The following NEBL variants were observed in gnomAD, a reference collection of about 807,000 sequenced individuals.
NEBL encodes the protein nebulette, also known as LIM and SH3 protein 2.
A neutral mutation model predicts 140.2 loss-of-function variants in NEBL; 122 were observed. The observed-to-expected ratio is 0.87, with a 90% CI of 0.75 to 1.01. The LOEUF is 1.01. NEBL is among the 50% of genes least tolerant of loss of function. The pLI, the probability that NEBL is intolerant of heterozygous loss-of-function variation, is 0.00. For missense variants in NEBL, 1,365 were observed against 1,231.3 expected (o/e 1.11, Z -1.62); for synonymous variants, 436 against 398.9 (o/e 1.09, Z -1.11).
intron 2 of NEBL, 54 bp from the exon 3 acceptor site, chr10:20,890,003 G>T: frequency 1.7e-6 from 2 of 1,173,684 alleles, no homozygotes; most frequent in Middle Eastern, 2.1e-4. Context: ...AATTCTAATG[G>T]CCTTTTTTGA....
At chr10:20,811,557 T>C (rs1838142044) in intron 24 of NEBL, among the ~76,000 whole-genome samples, 1 of 152,254 alleles carries the variant, frequency 6.6e-6, no homozygotes, top group Non-Finnish European at 1.5e-5. Context: ...AGCTATCAAT[T>C]GCCTACAAAC....
upstream of NEBL, chr10:20,899,339 T>A: frequency 1.7e-6 from 2 of 1,203,192 alleles, no homozygotes; most frequent in Non-Finnish European, 2.2e-6. Flanking sequence ...ACAGTACTGG[T>A]GTTACTCAGG....
At chr10:21,121,516 AG>A (rs1272855725) in intron 2 of NEBL, among the ~76,000 whole-genome samples, 1 of 152,216 alleles carries the variant, frequency 6.6e-6, no homozygotes, top group Non-Finnish European at 1.5e-5. Flanking sequence ...TCATAGGAAA[AG>A]TCCAAATCAA....
intron 2 of NEBL, among the ~76,000 whole-genome samples, chr10:21,138,732 C>G (rs1435986276): frequency 6.6e-6 from 1 of 151,302 alleles, no homozygotes; most frequent in Non-Finnish European, 1.5e-5. Context: ...CAGAGTCACA[C>G]AGCTAAAAAA....
intron 3 of NEBL, among the ~76,000 whole-genome samples, chr10:21,206,968 C>CTTTTTTTT (rs1028716031): frequency 7.1e-5 from 7 of 99,134 alleles, no homozygotes; most frequent in Non-Finnish European, 1.0e-4. Flanking sequence ...CTTTTTCTTT[C>CTTTTTTTT]TTTTTTTTTT....
At chr10:20,951,955 C>T (rs1411941913) in intron 4 of NEBL, among the ~76,000 whole-genome samples, 1 of 152,172 alleles carries the variant, frequency 6.6e-6, no homozygotes, top group Admixed American at 6.5e-5. Flanking sequence ...TCTCACCTCT[C>T]TGCCCTCCTT....
intron 3 of NEBL, among the ~76,000 whole-genome samples, chr10:21,241,245 AAAAT>A (rs372654187): frequency 0.058 from 8,430 of 146,442 alleles, 320 homozygotes; most frequent in Non-Finnish European, 0.08. Flanking sequence ...CGATGCCAGC[AAAAT>A]AAATAAATAA....
chr10:21,046,062 A>T (rs1834500438), intron 2 of NEBL, among the ~76,000 whole-genome samples: 1 of 152,232 alleles, frequency 6.6e-6, no homozygotes, highest in African/African-American at 2.4e-5. Flanking sequence ...TTTAAAAAGA[A>T]GAAAATCCCG....
chr10:20,792,210 G>A (rs1836067609), intron 26 of NEBL, among the ~76,000 whole-genome samples: 1 of 151,798 alleles, frequency 6.6e-6, no homozygotes, highest in Non-Finnish European at 1.5e-5. Context: ...AAAATAATTT[G>A]GGTTTTTTCC....
At chr10:20,861,470 C>T (rs575373380) in intron 7 of NEBL, among the ~76,000 whole-genome samples, 10 of 152,320 alleles carry the variant, frequency 6.6e-5, no homozygotes, top group South Asian at 2.1e-4. Context: ...TGAGCCACCG[C>T]GCCCAGCCAC....
intron 2 of NEBL, among the ~76,000 whole-genome samples, chr10:21,093,387 T>C (rs779120741): frequency 3.3e-5 from 5 of 152,116 alleles, no homozygotes; most frequent in Non-Finnish European, 5.9e-5. Context: ...AGGGAGACTG[T>C]CATCTCTCTT....
At chr10:21,053,685 T>C (rs1834880056) in intron 2 of NEBL, among the ~76,000 whole-genome samples, 1 of 152,158 alleles carries the variant, frequency 6.6e-6, no homozygotes, top group Non-Finnish European at 1.5e-5. Flanking sequence ...GCCTGAAACT[T>C]GAGCTAAACC....
intron 5 of NEBL, among the ~76,000 whole-genome samples, chr10:20,875,155 C>T (rs1845368578): frequency 6.6e-6 from 1 of 152,180 alleles, no homozygotes; most frequent in East Asian, 1.9e-4. Flanking sequence ...ACCCTGAGCT[C>T]ATATTTTTAT....
intron 1 of NEBL, among the ~76,000 whole-genome samples, chr10:21,273,325 AAGAG>A (rs1245738095): frequency 6.6e-6 from 1 of 152,166 alleles, no homozygotes; most frequent in East Asian, 1.9e-4. Context: ...GCTGGTCTCC[AAGAG>A]AAAGAGGGAA....
chr10:20,876,281 A>G (rs1845493364), intron 5 of NEBL, among the ~76,000 whole-genome samples: 1 of 152,194 alleles, frequency 6.6e-6, no homozygotes, highest in Admixed American at 6.5e-5. Context: ...ATAGTTGATA[A>G]AAGTTGTCTT....
At chr10:20,994,120 A>T (rs1274861654) in intron 3 of NEBL, among the ~76,000 whole-genome samples, 1 of 152,198 alleles carries the variant, frequency 6.6e-6, no homozygotes, top group Non-Finnish European at 1.5e-5. Context: ...CCCATCCCGT[A>T]ATTTAAACTG....
At chr10:20,904,071 T>G (rs558943748) in intron 4 of NEBL, among the ~76,000 whole-genome samples, 21 of 152,006 alleles carry the variant, frequency 1.4e-4, no homozygotes, top group Admixed American at 5.2e-4. Flanking sequence ...ATAGAATAAT[T>G]ATAACAAAAT....
intron 4 of NEBL, among the ~76,000 whole-genome samples, chr10:20,922,882 A>T (rs1036468076): frequency 6.0e-4 from 91 of 152,200 alleles, no homozygotes; most frequent in Non-Finnish European, 3.1e-4. Context: ...AAAAATGTAA[A>T]ATGAAATGAT....
intron 3 of NEBL, among the ~76,000 whole-genome samples, chr10:21,231,975 G>A (rs529685787): frequency 2.6e-5 from 4 of 152,202 alleles, no homozygotes; most frequent in African/African-American, 9.6e-5. Flanking sequence ...ATCAGCATTA[G>A]TGTTAAAATA....
Sources: allele counts gnomAD v4.1 joint callset (sites outside exome capture counted in the v4.1 genomes callset), GRCh38; gene constraint gnomAD v4.1.1; transcripts MANE v1.5; gene names NCBI Gene and HGNC (gene_info 2026-07-23, HGNC 2026-07-21).